Variants in CTNNA2 observed in about 807,000 individuals in gnomAD.
The protein encoded by CTNNA2 is catenin alpha 2.
In CTNNA2, 42 loss-of-function variants were observed where a neutral mutation model predicts 101.0. That is an observed-to-expected ratio of 0.42 (90% CI 0.32 to 0.54). CTNNA2 has a LOEUF of 0.54. Ranked by LOEUF, CTNNA2 falls within the 20% of genes least tolerant of loss-of-function variation. The probability of loss-of-function intolerance (pLI) is 0.14; values close to 1 mark genes in which losing one functional copy is unlikely to be tolerated. For synonymous variants in CTNNA2, 450 were observed against 456.4 expected (o/e 0.99, Z 0.18); for missense variants, 871 against 1,223.1 (o/e 0.71, Z 4.29).
At chr2:79,650,397 G>A (rs1009607742) in intron 1 of CTNNA2, among the ~76,000 whole-genome samples, 4 of 152,052 alleles carry the variant, frequency 2.6e-5, no homozygotes, top group Non-Finnish European at 5.9e-5. Context: ...TTAGTTTGAA[G>A]ATGTCTTTCA....
At chr2:79,576,568 A>C (rs553883640) in intron 1 of CTNNA2, among the ~76,000 whole-genome samples, 1 of 152,238 alleles carries the variant, frequency 6.6e-6, no homozygotes, top group African/African-American at 2.4e-5. Context: ...CATATATTTA[A>C]GTGCTGCTTG....
chr2:80,616,265 TGA>T (rs2149797761), intron 17 of CTNNA2, among the ~76,000 whole-genome samples: 1 of 151,836 alleles, frequency 6.6e-6, no homozygotes, highest in African/African-American at 2.4e-5. Context: ...TTTCTGTATG[TGA>T]GACGCTACCA....
At chr2:79,236,869 AT>A (rs1674564586) in intron 2 of CTNNA2, among the ~76,000 whole-genome samples, 1 of 152,130 alleles carries the variant, frequency 6.6e-6, no homozygotes, top group Admixed American at 6.5e-5. Flanking sequence ...TTCCCTTGCT[AT>A]TTCCAGCAAA....
chr2:80,517,029 T>C (rs1373384167), intron 9 of CTNNA2, among the ~76,000 whole-genome samples: 1 of 152,086 alleles, frequency 6.6e-6, no homozygotes, highest in Non-Finnish European at 1.5e-5. Flanking sequence ...AAAACAATCC[T>C]CCTGTTTGTC....
At chr2:79,810,644 A>C (rs1414125584) in intron 3 of CTNNA2, among the ~76,000 whole-genome samples, 1 of 151,264 alleles carries the variant, frequency 6.6e-6, no homozygotes. Context: ...ATCATTTAGC[A>C]TTAGGTATAT....
At chr2:79,810,940 G>T (rs1164322697) in intron 3 of CTNNA2, among the ~76,000 whole-genome samples, 1 of 151,368 alleles carries the variant, frequency 6.6e-6, no homozygotes, top group Non-Finnish European at 1.5e-5. Context: ...TTGGACATTT[G>T]GGTTGGTTCC....
chr2:79,559,496 A>G (rs1345798959), intron 1 of CTNNA2, among the ~76,000 whole-genome samples: 2 of 151,958 alleles, frequency 1.3e-5, no homozygotes, highest in South Asian at 2.1e-4. Context: ...CACTTAAGAA[A>G]TATTGCAGAG....
chr2:80,605,859 A>C (rs1398647292), intron 16 of CTNNA2, among the ~76,000 whole-genome samples: 1 of 152,062 alleles, frequency 6.6e-6, no homozygotes, highest in East Asian at 1.9e-4. Context: ...TGAGAATTTG[A>C]GAACTGCTTA....
intron 3 of CTNNA2, among the ~76,000 whole-genome samples, chr2:79,368,279 T>C (rs1169625240): frequency 2.0e-5 from 3 of 152,234 alleles, no homozygotes; most frequent in African/African-American, 7.2e-5. Context: ...TCCCTCTATC[T>C]GCACTGGCAT....
At chr2:79,678,668 T>A (rs190197004) in intron 2 of CTNNA2, among the ~76,000 whole-genome samples, 272 of 152,264 alleles carry the variant, frequency 1.8e-3, no homozygotes, top group Admixed American at 3.7e-3. Context: ...CAGCTGCAGA[T>A]CCCTCCCTGT....
At chr2:80,101,716 T>G (rs1010242264) in intron 7 of CTNNA2, among the ~76,000 whole-genome samples, 1 of 152,176 alleles carries the variant, frequency 6.6e-6, no homozygotes, top group East Asian at 1.9e-4. Context: ...TGGCAGCATA[T>G]CTCCTCTCTG....
upstream of CTNNA2, among the ~76,000 whole-genome samples, chr2:79,510,481 T>C (rs1310154987): frequency 2.0e-5 from 3 of 152,226 alleles, no homozygotes; most frequent in Non-Finnish European, 2.9e-5. Context: ...AATATGGCTG[T>C]AGTAACATTC....
chr2:80,122,494 T>A (rs1312452691), intron 7 of CTNNA2, among the ~76,000 whole-genome samples: 8 of 152,168 alleles, frequency 5.3e-5, no homozygotes, highest in Admixed American at 5.2e-4. Flanking sequence ...CTTTTTTTCT[T>A]GCTGAAAATT....
intron 4 of CTNNA2, among the ~76,000 whole-genome samples, chr2:79,408,675 A>G (rs1678368471): frequency 6.6e-6 from 1 of 152,114 alleles, no homozygotes; most frequent in Admixed American, 6.6e-5. Context: ...TAAATGTGCC[A>G]CATTTTCTTA....
rs139082050 is a variant in CTNNA2 at position 80,561,271 on chromosome 2, T to C, written c.1741+5378T>C. ...GTCTAAGTTACTTCGGCATGACTAA[T>C]TTTAAGTCGGAAGTGTAGGAAGAAT... On this transcript the variant is annotated intron_variant, in intron 12 of 18. Coordinates refer to ENST00000402739, the MANE Select transcript of CTNNA2 (RefSeq NM_001282597.3). Among the ~76,000 whole-genome samples the C allele has an allele frequency of 4.6e-5, 7 of 152,288 alleles. No homozygotes were observed. In the East Asian group the frequency reaches 1.4e-3, roughly 29 times the overall value.
chr2:80,544,263 A>G (rs1691842443), intron 9 of CTNNA2, among the ~76,000 whole-genome samples: 2 of 152,058 alleles, frequency 1.3e-5, no homozygotes, highest in Middle Eastern at 3.4e-3. Context: ...GAAGAGGGGA[A>G]AAGAAGACAT....
intron 12 of CTNNA2, chr2:80,573,387 T>C (rs1180099560): frequency 6.6e-6 from 1 of 152,188 alleles, no homozygotes; most frequent in African/African-American, 2.4e-5. Flanking sequence ...ATACGTATGC[T>C]CTTTCACATC....
chr2:79,810,841 T>TA, intron 3 of CTNNA2, among the ~76,000 whole-genome samples: 1 of 152,154 alleles, frequency 6.6e-6, no homozygotes, highest in Middle Eastern at 3.4e-3. Flanking sequence ...TCCATGTCCC[T>TA]ACAAAGGACA....
chr2:79,597,195 G>A (rs748014396), intron 1 of CTNNA2, among the ~76,000 whole-genome samples: 3 of 151,752 alleles, frequency 2.0e-5, no homozygotes, highest in Non-Finnish European at 2.9e-5. Flanking sequence ...GCCCCCGTCC[G>A]GGCGCGGTGG....
Sources: allele counts gnomAD v4.1 joint callset (sites outside exome capture counted in the v4.1 genomes callset), GRCh38; gene constraint gnomAD v4.1.1; transcripts MANE v1.5; gene names NCBI Gene and HGNC (gene_info 2026-07-23, HGNC 2026-07-21).